ZNF654: variants seen among roughly 807,000 people sequenced by gnomAD.
ZNF654 encodes melanoma-associated antigen.
A neutral mutation model predicts 95.3 loss-of-function variants in ZNF654; 19 were observed. That is an observed-to-expected ratio of 0.20 (90% CI 0.14 to 0.29). ZNF654 has a LOEUF of 0.29. Among genes scored for constraint, ZNF654 ranks in the 10% least tolerant of loss-of-function variants. The probability of loss-of-function intolerance (pLI) is 1.00; values close to 1 mark genes in which losing one functional copy is unlikely to be tolerated. For synonymous variants in ZNF654, 413 were observed against 457.9 expected, an observed-to-expected ratio of 0.90 and a Z score of 1.25; for missense variants, 1,046 against 1,341.0, an observed-to-expected ratio of 0.78 and a Z score of 3.44.
chr3:88,140,258 A>T lies in ZNF654; in HGVS notation c.2589A>T (p.Glu863Asp). 6.2e-7 allele frequency: 1 copy of T among 1,613,760 alleles called. No homozygotes were observed. Reference sequence around the variant, plus strand: ...TTGAAGATCTTCCTCTGCTGTATGAACATGAAGCTCAACACTATTTAAGTA... The same window carrying T: ...TTGAAGATCTTCCTCTGCTGTATGATCATGAAGCTCAACACTATTTAAGTA... ...ELFEDLPLLY[E>D]HEAQHYLSKT... Residue 863 changes from glutamate (E) to aspartate (D), a missense_variant, in exon 8 of 9, where the codon GAA becomes GAT. Around this residue, in one of 9 missense-constraint regions of ZNF654, gnomAD observed 495 missense variants for 537.0 expected, o/e 0.92. Transcript: ENST00000636215.
intron 1 of ZNF654, among the ~76,000 whole-genome samples, chr3:88,075,734 A>G (rs1304226836): frequency 6.6e-6 from 1 of 151,934 alleles, no homozygotes; most frequent in African/African-American, 2.4e-5. Flanking sequence ...CTGTTATTAA[A>G]TTTGCCTCGC....
intron 1 of ZNF654, 106 bp downstream of exon 1, chr3:88,059,611 T>C: frequency 8.1e-7 from 1 of 1,240,832 alleles, no homozygotes; most frequent in Non-Finnish European, 1.0e-6. Context: ...TGCCCGCTCC[T>C]CCCCAACAAG....
intron 1 of ZNF654, among the ~76,000 whole-genome samples, chr3:88,062,610 A>G (rs550002174): frequency 6.6e-6 from 1 of 152,310 alleles, no homozygotes; most frequent in South Asian, 2.1e-4. Context: ...ATTTTTTGTC[A>G]TAAATTGATT....
chr3:88,106,335 T>C (rs906788146), intron 2 of ZNF654, among the ~76,000 whole-genome samples: 5 of 152,186 alleles, frequency 3.3e-5, no homozygotes, highest in African/African-American at 1.2e-4. Context: ...ATTTTTTTCA[T>C]TTATCTTTTT....
At position 88,140,775 on chromosome 3, in the gene ZNF654, C is replaced by T. The variant is rs751630765; in HGVS notation, c.3106C>T (p.His1036Tyr). The T allele has an allele frequency of 3.1e-6, 5 of 1,613,738 alleles. No homozygotes were observed. The highest frequency in any genetic ancestry group is 1.7e-6 in the Non-Finnish European group (2 of 1,179,714). Residue 1036 changes from histidine (H) to tyrosine (Y), a missense_variant, in exon 8 of 9, where the codon CAT becomes TAT. This residue lies in a region of ZNF654 where 495 missense variants were observed against 537.0 expected (regional missense o/e 0.92). Transcript: ENST00000636215. ...TTCCAAACCAAATCTGACAAGTGAACATACTTCATATGGCTTAATTTTAAC... is the reference window on the plus strand; with the variant it reads ...TTCCAAACCAAATCTGACAAGTGAATATACTTCATATGGCTTAATTTTAAC... ...APSKPNLTSE[H>Y]TSYGLILTKP...
Position 88,115,661 on chromosome 3 carries a change from T to C in ZNF654, c.414+2465T>C, listed in dbSNP as rs369492897. On this transcript the variant is annotated intron_variant, in intron 3 of 8. Transcript: ENST00000636215. Reference sequence around the variant, plus strand: ...AGAAATTTTTAACTCTTCTTACCTATAATTTTTCCTCTCCGTTATTTCTAG... The same window carrying C: ...AGAAATTTTTAACTCTTCTTACCTACAATTTTTCCTCTCCGTTATTTCTAG... Among the ~76,000 whole-genome samples, 5 of 152,330 alleles carry C rather than the reference T, an allele frequency of 3.3e-5. No homozygotes were observed. In the East Asian group the frequency reaches 5.8e-4, roughly 18 times the overall value.
chr3:88,085,368 C>T (rs1164254874), intron 1 of ZNF654, among the ~76,000 whole-genome samples: 1 of 152,268 alleles, frequency 6.6e-6, no homozygotes, highest in East Asian at 1.9e-4. Context: ...TCCAATAAAA[C>T]CTTATTTATA....
intron 1 of ZNF654, among the ~76,000 whole-genome samples, chr3:88,064,293 G>A (rs9865990): frequency 0.78 from 119,065 of 151,968 alleles, 47,564 homozygotes; most frequent in South Asian, 0.91. Flanking sequence ...CCTAGTACAG[G>A]AAGGAGATAG....
chr3:88,135,223 C>T, intron 7 of ZNF654, 21 bp downstream of exon 7: 1 of 1,404,876 alleles, frequency 7.1e-7, no homozygotes, highest in Non-Finnish European at 9.2e-7. Flanking sequence ...TATATTTGTC[C>T]CTTAAATTTA....
chr3:88,128,903 T>C lies in ZNF654; in HGVS notation c.645T>C (p.Leu215=), dbSNP rs1458001073. 6 of 1,535,648 alleles carry C rather than the reference T, an allele frequency of 3.9e-6. No homozygotes were observed. Among genetic ancestry groups the C allele is most frequent in the Non-Finnish European group, 4.4e-6 (5 of 1,146,562 alleles). Residue 215 remains leucine (L), a synonymous_variant, in exon 5 of 9, where the codon CTT becomes CTC. Transcript: ENST00000636215. ...AACGCATACCCGAAGCAATGGCTCT[T>C]ATTAAATCTTGTATAAATCACCCAG... ...ACERIPEAMA[L]IKSCINHPEI...
At position 88,140,755 on chromosome 3, in the gene ZNF654, A is replaced by G; in HGVS notation, c.3086A>G (p.Lys1029Arg). 1 of 1,613,706 alleles carries G rather than the reference A, an allele frequency of 6.2e-7. No homozygotes were observed. Among genetic ancestry groups the G allele is most frequent in the Non-Finnish European group, 8.5e-7 (1 of 1,179,734 alleles). ...TTGCCAGTATCTCAGGCACCTTCCA[A>G]ACCAAATCTGACAAGTGAACATACT... The part of the protein sequence containing the change: ...NTLPVSQAPS[K>R]PNLTSEHTSY... Residue 1029 changes from lysine to arginine, a missense_variant, in exon 8 of 9, where the codon AAA becomes AGA. Physicochemically the swap from Lys to Arg is conservative, Grantham distance 26. This residue lies in a region of ZNF654 where 495 missense variants were observed against 537.0 expected (regional missense o/e 0.92). Transcript: ENST00000636215.
rs1268416056 is a variant in ZNF654, at chr3:88,139,929, G to A, written c.2260G>A (p.Val754Ile). 1.9e-6 allele frequency: 3 copies of A among 1,613,612 alleles called. No homozygotes were observed. Among genetic ancestry groups the A allele is most frequent in the East Asian group, 2.2e-5 (1 of 44,862 alleles). The change falls in exon 8 of 9, where the codon GTC becomes ATC. Residue 754 changes from valine to isoleucine, a missense_variant. Val to Ile is a conservative substitution (Grantham distance 29). Coordinates refer to ENST00000636215, the MANE Select transcript of ZNF654 (RefSeq NM_001350134.2). Reference protein sequence around the residue: ...GNFKCPALGCVRIFKRIGFLN... With the variant: ...GNFKCPALGCIRIFKRIGFLN... ...CTTTAAGTGTCCTGCTCTTGGTTGT[G>A]TCCGGATATTTAAAAGAATTGGGTT...
rs527469248 is a variant in ZNF654, at chr3:88,069,515, T to C, written c.186+10010T>C. ...TGAGATAGTAACAATGGCTCAGTTA[T>C]AACTTTTCTTCATAGCACTTATCGA... On this transcript the variant is annotated intron_variant, in intron 1 of 8. Coordinates refer to ENST00000636215, the MANE Select transcript of ZNF654 (RefSeq NM_001350134.2). Among the ~76,000 whole-genome samples the C allele has an allele frequency of 1.4e-4, 21 of 152,362 alleles. No homozygotes were observed. The East Asian group carries it at 3.7e-3, about 27-fold the overall frequency.
chr3:88,085,544 T>C (rs1030432940), intron 1 of ZNF654, among the ~76,000 whole-genome samples: 1 of 152,192 alleles, frequency 6.6e-6, no homozygotes, highest in Non-Finnish European at 1.5e-5. Flanking sequence ...TTTGTTAATA[T>C]AATATATTGT....
intron 2 of ZNF654, chr3:88,095,566 A>G: frequency 1.9e-6 from 1 of 519,898 alleles, no homozygotes; most frequent in South Asian, 1.4e-5. Flanking sequence ...CCATTTCATT[A>G]AAAACATAAA....
At position 88,139,557 on chromosome 3, in the gene ZNF654, A is replaced by T; in HGVS notation, c.1888A>T (p.Asn630Tyr). The change falls in exon 8 of 9, where the codon AAT becomes TAT. Residue 630 changes from asparagine (N) to tyrosine (Y), a missense_variant. Asn to Tyr is a moderately radical substitution (Grantham distance 143, BLOSUM62 -2). Transcript: ENST00000636215. ...NCSSSSISFE[N>Y]GNSDSKDLEV... ...TTCTAGTTCTTCCATTTCATTTGAAAATGGGAATTCTGATAGTAAGGATTT... is the reference window on the plus strand; with the variant it reads ...TTCTAGTTCTTCCATTTCATTTGAATATGGGAATTCTGATAGTAAGGATTT... 6.2e-7 allele frequency: 1 copy of T among 1,613,544 alleles called. No individual in the cohort carries two copies. Among genetic ancestry groups the T allele is most frequent in the Non-Finnish European group, 8.5e-7 (1 of 1,179,732 alleles).
intron 2 of ZNF654, among the ~76,000 whole-genome samples, chr3:88,102,725 G>A (rs1704498820): frequency 6.7e-6 from 1 of 150,264 alleles, no homozygotes; most frequent in African/African-American, 2.4e-5. Flanking sequence ...CTTCTAACCG[G>A]TTTTACTCAT....
intron 1 of ZNF654, among the ~76,000 whole-genome samples, chr3:88,076,502 C>T (rs1222300469): frequency 2.6e-5 from 4 of 152,096 alleles, no homozygotes; most frequent in Non-Finnish European, 1.5e-5. Context: ...TTTCTTTTAT[C>T]TTAATCAGTA....
At chr3:88,106,595 G>A (rs1344910718) in intron 2 of ZNF654, among the ~76,000 whole-genome samples, 2 of 152,036 alleles carry the variant, frequency 1.3e-5, no homozygotes, top group East Asian at 1.9e-4. Context: ...CACCCACCTC[G>A]GCCTCCCAGA....
Sources: gnomAD v4.1 joint callset for allele counts (sites outside exome capture counted in the v4.1 genomes callset) on GRCh38, gnomAD v4.1.1 for gene constraint, gnomAD v4.1.1 regional missense constraint, MANE v1.5 for transcripts, NCBI Gene and HGNC (gene_info 2026-07-23, HGNC 2026-07-21) for gene names.